PLD5: variants seen among roughly 807,000 people sequenced by gnomAD.
PLD5 encodes phospholipase D family member 5.
PLD5 carries 36 observed loss-of-function variants against 61.1 expected under a neutral mutation model. The ratio of observed to expected loss-of-function variants is 0.59; its 90% CI spans 0.45 to 0.78. The LOEUF (loss-of-function observed/expected upper bound fraction) is 0.78, where lower values mean the gene tolerates loss of function less well. PLD5 is among the 30% of genes least tolerant of loss of function. The pLI is 0.00. For synonymous variants in PLD5, 243 were observed against 242.8 expected (o/e 1.00, Z -0.01); for missense variants, 515 against 644.4 (o/e 0.80, Z 2.17).
chr1:242,117,503 T>C (rs1163942267), intron 6 of PLD5, among the ~76,000 whole-genome samples: 1 of 152,008 alleles, frequency 6.6e-6, no homozygotes. Flanking sequence ...TGCCTCAGCC[T>C]CCTGAGTAGC....
At chr1:242,451,546 G>A (rs1666779538) in intron 1 of PLD5, among the ~76,000 whole-genome samples, 3 of 138,180 alleles carry the variant, frequency 2.2e-5, no homozygotes, top group Admixed American at 1.7e-4. Flanking sequence ...TGCAACTTCC[G>A]CCACCCAGGG....
intron 4 of PLD5, among the ~76,000 whole-genome samples, chr1:242,242,912 T>C (rs1672147854): frequency 6.6e-6 from 1 of 152,234 alleles, no homozygotes; most frequent in African/African-American, 2.4e-5. Flanking sequence ...TCCCGGTGAT[T>C]ACAGGCAGGT....
intron 1 of PLD5, among the ~76,000 whole-genome samples, chr1:242,404,327 CA>C (rs1224763130): frequency 2.0e-5 from 3 of 152,112 alleles, no homozygotes; most frequent in African/African-American, 7.2e-5. Flanking sequence ...AGATGGGAAG[CA>C]CTTACCAGGT....
intron 1 of PLD5, among the ~76,000 whole-genome samples, chr1:242,379,941 C>G (rs1283024942): frequency 6.6e-6 from 1 of 152,200 alleles, no homozygotes; most frequent in Non-Finnish European, 1.5e-5. Context: ...TGGATCCACA[C>G]TAACATATTA....
At chr1:242,168,767 A>G (rs1574439079) in intron 5 of PLD5, among the ~76,000 whole-genome samples, 1 of 150,904 alleles carries the variant, frequency 6.6e-6, no homozygotes, top group Non-Finnish European at 1.5e-5. Context: ...ATAGTAAAAT[A>G]GCAGTTGTTT....
chr1:242,458,850 CT>C (rs1375874740), intron 1 of PLD5, among the ~76,000 whole-genome samples: 8 of 152,316 alleles, frequency 5.3e-5, no homozygotes, highest in South Asian at 2.1e-4. Flanking sequence ...CCTTGGGAAT[CT>C]TTCCCTTCTA....
chr1:242,515,200 G>A (rs986601245), intron 1 of PLD5, among the ~76,000 whole-genome samples: 4 of 118,338 alleles, frequency 3.4e-5, no homozygotes, highest in Admixed American at 7.6e-5. Context: ...TTGTGTGTGC[G>A]TGTGTGTGTG....
At position 242,084,293 on chromosome 1, in the gene PLD5, G is replaced by A. The variant is rs1362883299; in HGVS notation, c.*5561C>T. On this transcript the variant is annotated 3_prime_UTR_variant, in exon 10 of 10. Coordinates refer to ENST00000536534, the MANE Select transcript of PLD5 (RefSeq NM_001372062.1). ...TTAAGCCTTTGCTAACCTCTCCAATGATAGTTTTTTTTTTAAAAGTATGCC... is the reference window on the plus strand; with the variant it reads ...TTAAGCCTTTGCTAACCTCTCCAATAATAGTTTTTTTTTTAAAAGTATGCC... The A allele has an allele frequency of 1.4e-5, 2 of 145,820 alleles. No homozygotes were observed. The highest frequency in any genetic ancestry group is 4.6e-4 in the South Asian group (2 of 4,354). The allele number at this position is 145,820 out of a possible 1,614,324, so 9.0% of individuals were successfully genotyped here.
intron 1 of PLD5, among the ~76,000 whole-genome samples, chr1:242,369,722 C>G (rs1486046650): frequency 6.6e-6 from 1 of 152,150 alleles, no homozygotes; most frequent in Non-Finnish European, 1.5e-5. Context: ...TCAACTGTCT[C>G]TTATAGCAAT....
chr1:242,230,356 T>C lies in PLD5; in HGVS notation c.608-10241A>G, dbSNP rs1671221940. On this transcript the variant is annotated intron_variant, in intron 4 of 9. Transcript: ENST00000536534. ...AATGCTAATGAGCCTCAAGCATATA[T>C]CAAAGGGAAACATAACACTATGAAT... Among the ~76,000 whole-genome samples, 2 of 152,198 alleles carry C rather than the reference T, an allele frequency of 1.3e-5. 1 individual carries two copies. The highest frequency in any genetic ancestry group is 1.3e-4 in the Admixed American group (2 of 15,276).
chr1:242,140,016 G>A (rs980539082), intron 5 of PLD5, among the ~76,000 whole-genome samples: 6 of 152,254 alleles, frequency 3.9e-5, no homozygotes, highest in East Asian at 3.9e-4. Context: ...GTCTTTTCTC[G>A]CCTTCCTGGC....
chr1:242,415,217 G>A lies in PLD5; in HGVS notation c.190-66975C>T, dbSNP rs539472513. 6.6e-5 allele frequency among the ~76,000 whole-genome samples: 10 copies of A among 152,264 alleles called. No homozygotes were observed. In the South Asian group the frequency reaches 1.5e-3, roughly 22 times the overall value. ...TAGCATCTAACAAATCTATGTATGC[G>A]TTTAGCCTCTCACTCAGTAACCCCT... On this transcript the variant is annotated intron_variant, in intron 1 of 9. Transcript: ENST00000536534.
chr1:242,307,456 T>G (rs560004143), intron 2 of PLD5, among the ~76,000 whole-genome samples: 17 of 152,280 alleles, frequency 1.1e-4, no homozygotes, highest in African/African-American at 3.9e-4. Flanking sequence ...TGACACTACC[T>G]TGGGACACAA....
chr1:242,337,863 A>G (rs1329120882), intron 2 of PLD5, among the ~76,000 whole-genome samples: 2 of 152,154 alleles, frequency 1.3e-5, no homozygotes, highest in East Asian at 3.9e-4. Context: ...TGTTGCAAAC[A>G]TATCGCTGCA....
At chr1:242,525,484 GC>G (rs1669421846), upstream of PLD5, among the ~76,000 whole-genome samples, 1 of 152,222 alleles carries the variant, frequency 6.6e-6, no homozygotes, top group Non-Finnish European at 1.5e-5. Flanking sequence ...GCCCAGCCAA[GC>G]GTGATGATTA....
At chr1:242,350,586 C>G (rs1264940822) in intron 1 of PLD5, among the ~76,000 whole-genome samples, 1 of 152,164 alleles carries the variant, frequency 6.6e-6, no homozygotes, top group African/African-American at 2.4e-5. Context: ...CTCCCAAACT[C>G]AGAGTCCAGG....
chr1:242,191,908 A>C (rs763746191), intron 5 of PLD5, among the ~76,000 whole-genome samples: 12 of 152,166 alleles, frequency 7.9e-5, no homozygotes, highest in Non-Finnish European at 5.9e-5. Context: ...TGAAAGAAAG[A>C]AGAAAGAGTG....
chr1:242,174,123 G>A (rs1666956690), intron 5 of PLD5, among the ~76,000 whole-genome samples: 1 of 152,114 alleles, frequency 6.6e-6, no homozygotes, highest in Admixed American at 6.6e-5. Context: ...CCTACAGAAT[G>A]GGAGAAAATT....
chr1:242,154,499 T>G (rs1168097143), intron 5 of PLD5, among the ~76,000 whole-genome samples: 1 of 152,198 alleles, frequency 6.6e-6, no homozygotes, highest in Non-Finnish European at 1.5e-5. Flanking sequence ...TAGCTCTTAT[T>G]ATTTTGAGAT....
Sources: allele counts gnomAD v4.1 joint callset (sites outside exome capture counted in the v4.1 genomes callset), GRCh38; gene constraint gnomAD v4.1.1; transcripts MANE v1.5; gene names NCBI Gene and HGNC (gene_info 2026-07-23, HGNC 2026-07-21).